The following ERC2 variants were observed in gnomAD, a reference collection of about 807,000 sequenced individuals.
ERC2 encodes the protein ELKS/RAB6-interacting/CAST family member 2, also known as ERC protein 2.
Under a neutral mutation model 114.8 loss-of-function variants are expected in ERC2, and 42 were observed. The observed-to-expected ratio is 0.37, with a 90% confidence interval of 0.29 to 0.47. ERC2 has a LOEUF of 0.47. ERC2 is among the 20% of genes least tolerant of loss of function. The pLI, the probability that ERC2 is intolerant of heterozygous loss-of-function variation, is 0.99. For missense variants in ERC2, 939 were observed against 1,150.7 expected (o/e 0.82, Z 2.66); for synonymous variants, 454 against 425.5 (o/e 1.07, Z -0.82).
At chr3:56,103,028 C>T (rs1208081262) in intron 6 of ERC2, among the ~76,000 whole-genome samples, 2 of 152,034 alleles carry the variant, frequency 1.3e-5, no homozygotes, top group African/African-American at 4.8e-5. Flanking sequence ...ATAAACATCC[C>T]AATAAATGTT....
chr3:56,007,337 T>C lies in ERC2; in HGVS notation c.1921-16A>G. Reference sequence around the variant, plus strand: ...TTAAACTAGACTGAAAGAGAAAGAATGTGAGTGAGTAAAACACTGAAATTT... The same window carrying C: ...TTAAACTAGACTGAAAGAGAAAGAACGTGAGTGAGTAAAACACTGAAATTT... On this transcript the variant is annotated splice_polypyrimidine_tract_variant and intron_variant, in intron 9 of 17. Coordinates refer to ENST00000288221, the MANE Select transcript of ERC2 (RefSeq NM_015576.3). 1 of 1,587,506 alleles carries C rather than the reference T, an allele frequency of 6.3e-7. No homozygotes were observed. Among genetic ancestry groups the C allele is most frequent in the Non-Finnish European group, 8.6e-7 (1 of 1,166,318 alleles).
At chr3:56,339,227 G>A (rs2057987400) in intron 2 of ERC2, among the ~76,000 whole-genome samples, 1 of 152,196 alleles carries the variant, frequency 6.6e-6, no homozygotes, top group Non-Finnish European at 1.5e-5. Context: ...CACAGCATAT[G>A]GGAGTGCGCC....
intron 2 of ERC2, among the ~76,000 whole-genome samples, chr3:56,310,128 G>T (rs963391323): frequency 6.6e-6 from 1 of 152,110 alleles, no homozygotes; most frequent in Admixed American, 6.5e-5. Flanking sequence ...CCTGTTGTTA[G>T]CCAGTAATCC....
chr3:56,379,291 C>T (rs1576669444), intron 2 of ERC2, among the ~76,000 whole-genome samples: 1 of 152,100 alleles, frequency 6.6e-6, no homozygotes, highest in African/African-American at 2.4e-5. Flanking sequence ...TGTGTTATTA[C>T]TTATGAAGAT....
intron 3 of ERC2, among the ~76,000 whole-genome samples, chr3:56,273,079 G>C (rs2053761085): frequency 6.6e-6 from 1 of 152,024 alleles, no homozygotes. Flanking sequence ...TTATCTGCTG[G>C]ACCTGTGTCA....
At chr3:55,961,805 A>G (rs372676364) in intron 12 of ERC2, among the ~76,000 whole-genome samples, 2 of 148,230 alleles carry the variant, frequency 1.3e-5, no homozygotes, top group African/African-American at 5.0e-5. Flanking sequence ...AAAAAATTCA[A>G]TTTCATAAAA....
chr3:56,076,267 T>C (rs1221408185), intron 7 of ERC2, among the ~76,000 whole-genome samples: 2 of 152,206 alleles, frequency 1.3e-5, no homozygotes, highest in Non-Finnish European at 1.5e-5. Flanking sequence ...ATAGAATTTT[T>C]GTCCAATTTT....
At chr3:56,065,524 T>A (rs74521376) in intron 7 of ERC2, among the ~76,000 whole-genome samples, 41,522 of 147,924 alleles carry the variant, frequency 0.28, 7,369 homozygotes, top group Middle Eastern at 0.39. Context: ...CTTTCTTTTT[T>A]AAAAAAAAAA....
At chr3:55,894,148 A>G (rs2063737654) in intron 13 of ERC2, among the ~76,000 whole-genome samples, 2 of 152,172 alleles carry the variant, frequency 1.3e-5, no homozygotes, top group South Asian at 4.1e-4. Flanking sequence ...CCAGGTGGAA[A>G]AATTGATTTC....
At chr3:55,513,008 G>T (rs543872443) in intron 17 of ERC2, among the ~76,000 whole-genome samples, 1 of 152,356 alleles carries the variant, frequency 6.6e-6, no homozygotes, top group Admixed American at 6.5e-5. Flanking sequence ...CTGGCTTCCA[G>T]CAATGAGCCA....
chr3:56,391,162 T>C (rs959711958), intron 2 of ERC2, among the ~76,000 whole-genome samples: 10 of 152,144 alleles, frequency 6.6e-5, no homozygotes, highest in African/African-American at 2.2e-4. Flanking sequence ...GTTCCAAAAA[T>C]AAATGCTGAA....
chr3:55,518,476 C>T (rs995038511), intron 17 of ERC2, among the ~76,000 whole-genome samples: 17 of 152,168 alleles, frequency 1.1e-4, no homozygotes, highest in South Asian at 4.1e-4. Context: ...CCTGAGATAG[C>T]GAGACACCTA....
intron 17 of ERC2, among the ~76,000 whole-genome samples, chr3:55,573,693 C>T (rs1044718265): frequency 4.6e-5 from 7 of 152,104 alleles, no homozygotes; most frequent in Non-Finnish European, 7.3e-5. Context: ...CCTGGACCTT[C>T]CTCAGCCCAC....
At chr3:55,743,593 C>CAAAAAAAA (rs367859231) in intron 14 of ERC2, among the ~76,000 whole-genome samples, 80 of 96,270 alleles carry the variant, frequency 8.3e-4, no homozygotes, top group Middle Eastern at 6.3e-3. Flanking sequence ...CCTGATCCAC[C>CAAAAAAAA]AAAAAAAAAA....
chr3:55,866,738 C>A lies in ERC2; in HGVS notation c.2564+21651G>T, dbSNP rs531488273. Among the ~76,000 whole-genome samples, 15 of 152,230 alleles carry A rather than the reference C, an allele frequency of 9.9e-5. 1 individual carries two copies. Among genetic ancestry groups the A allele is most frequent in the South Asian group, 4.1e-4 (2 of 4,822 alleles). On this transcript the variant is annotated intron_variant, in intron 14 of 17. Transcript: ENST00000288221. ...CAGCCACATTACCAATAATGTCTTC[C>A]TTAATGGCAACAATATTTGAGTATG...
intron 17 of ERC2, among the ~76,000 whole-genome samples, chr3:55,670,686 G>A (rs1352425244): frequency 2.0e-5 from 3 of 152,148 alleles, no homozygotes; most frequent in South Asian, 2.1e-4. Flanking sequence ...TACCACATAC[G>A]GAGACATCAG....
chr3:56,433,362 G>A (rs1309931293), intron 2 of ERC2, among the ~76,000 whole-genome samples: 1 of 152,230 alleles, frequency 6.6e-6, no homozygotes, highest in Non-Finnish European at 1.5e-5. Flanking sequence ...GAATAGGTGG[G>A]ATTTGGAAAT....
At chr3:55,545,892 G>C (rs1051801556) in intron 17 of ERC2, among the ~76,000 whole-genome samples, 1 of 152,194 alleles carries the variant, frequency 6.6e-6, no homozygotes, top group African/African-American at 2.4e-5. Context: ...GGGGGAACTA[G>C]AGAATCCCAT....
At chr3:55,609,311 C>T (rs1283196178) in intron 17 of ERC2, among the ~76,000 whole-genome samples, 1 of 152,174 alleles carries the variant, frequency 6.6e-6, no homozygotes, top group African/African-American at 2.4e-5. Context: ...AAATTAGGCC[C>T]CAGCCAATTA....
Sources: allele counts gnomAD v4.1 joint callset (sites outside exome capture counted in the v4.1 genomes callset), GRCh38; gene constraint gnomAD v4.1.1; transcripts MANE v1.5; gene names NCBI Gene and HGNC (gene_info 2026-07-23, HGNC 2026-07-21).